The following ASCC3 variants were observed in gnomAD, a reference collection of about 807,000 sequenced individuals.
ASCC3 encodes ASC-1 complex subunit P200.
Under a neutral mutation model 256.3 loss-of-function variants are expected in ASCC3, and 158 were observed. The ratio of observed to expected loss-of-function variants is 0.62; its 90% CI spans 0.54 to 0.70. The LOEUF (loss-of-function observed/expected upper bound fraction) is 0.70. Among genes scored for constraint, ASCC3 ranks in the 30% least tolerant of loss-of-function variants. The pLI is 0.00. For synonymous variants in ASCC3, 948 were observed against 883.4 expected (o/e 1.07, Z -1.30); for missense variants, 2,259 against 2,626.0 (o/e 0.86, Z 3.05).
intron 16 of ASCC3, among the ~76,000 whole-genome samples, chr6:100,660,545 GTTC>G (rs1030388422): frequency 1.3e-5 from 2 of 151,624 alleles, no homozygotes; most frequent in African/African-American, 4.8e-5. Flanking sequence ...TTTCAAAAAT[GTTC>G]TTGTAATTTT....
intron 13 of ASCC3, among the ~76,000 whole-genome samples, chr6:100,688,592 T>C (rs1777694533): frequency 6.6e-6 from 1 of 152,200 alleles, no homozygotes; most frequent in Non-Finnish European, 1.5e-5. Flanking sequence ...CCTTATCCTT[T>C]TGGGCATCCA....
In ASCC3 at chr6:100,589,676, C is replaced by T. The variant is rs1221153150; in HGVS notation, c.5508G>A (p.Leu1836=). ...GTTCTTCAGTACTGCATTCAGGCTTCAAGCGGTCCTTGAACATTTTAACTG... is the reference window on the plus strand; with the variant it reads ...GTTCTTCAGTACTGCATTCAGGCTTTAAGCGGTCCTTGAACATTTTAACTG... ...HQTVKMFKDR[L]KPECSTEELL... Residue 1836 remains leucine, a synonymous_variant, in exon 36 of 42, where the codon TTG becomes TTA. Transcript: ENST00000369162. 1 of 1,613,722 alleles carries T rather than the reference C, an allele frequency of 6.2e-7. No individual in the cohort carries two copies. The highest frequency in any genetic ancestry group is 1.7e-5 in the Admixed American group (1 of 60,006).
chr6:100,712,454 A>G (rs534662292), intron 13 of ASCC3, among the ~76,000 whole-genome samples: 28 of 152,332 alleles, frequency 1.8e-4, no homozygotes, highest in Admixed American at 1.6e-3. Context: ...AAAATGGGCA[A>G]AAGACTTGAA....
intron 13 of ASCC3, among the ~76,000 whole-genome samples, chr6:100,702,470 C>T (rs1450809074): frequency 6.6e-6 from 1 of 152,070 alleles, no homozygotes; most frequent in Non-Finnish European, 1.5e-5. Flanking sequence ...AAAAGGCCAG[C>T]CACACAGGAT....
chr6:100,728,457 G>T (rs1281416265), intron 10 of ASCC3, among the ~76,000 whole-genome samples: 3 of 151,934 alleles, frequency 2.0e-5, no homozygotes, highest in Admixed American at 1.3e-4. Flanking sequence ...GCTGAAATAT[G>T]CATGCGTTGT....
At chr6:100,695,988 T>C (rs1334205112) in intron 13 of ASCC3, among the ~76,000 whole-genome samples, 1 of 152,180 alleles carries the variant, frequency 6.6e-6, no homozygotes, top group Non-Finnish European at 1.5e-5. Context: ...TTCAGACTTA[T>C]TTAACAGGTC....
chr6:100,611,840 C>G (rs1030431612), intron 30 of ASCC3, among the ~76,000 whole-genome samples: 10 of 148,306 alleles, frequency 6.7e-5, no homozygotes, highest in African/African-American at 2.2e-4. Context: ...AGGCTTAATT[C>G]TTGTTAAGAA....
chr6:100,674,631 ATT>A (rs3073741), intron 14 of ASCC3, among the ~76,000 whole-genome samples: 18 of 131,618 alleles, frequency 1.4e-4, no homozygotes, highest in African/African-American at 2.8e-4. Context: ...TTATTACAGA[ATT>A]TTTTTTTTTT....
chr6:100,623,145 T>A (rs1774047138), intron 30 of ASCC3, among the ~76,000 whole-genome samples: 1 of 152,142 alleles, frequency 6.6e-6, no homozygotes, highest in East Asian at 1.9e-4. Context: ...TCCTAAGTTA[T>A]GATACTACCT....
At chr6:100,831,490 C>T (rs1289050266) in intron 4 of ASCC3, among the ~76,000 whole-genome samples, 1 of 152,148 alleles carries the variant, frequency 6.6e-6, no homozygotes, top group Non-Finnish European at 1.5e-5. Flanking sequence ...AGTAGTTTGG[C>T]TCCTGCTGGG....
intron 4 of ASCC3, among the ~76,000 whole-genome samples, chr6:100,821,993 T>C (rs1771071950): frequency 6.6e-6 from 1 of 152,060 alleles, no homozygotes. Context: ...AGATAATTGG[T>C]TCACTAAGGG....
intron 13 of ASCC3, among the ~76,000 whole-genome samples, chr6:100,707,493 T>C (rs1184801166): frequency 6.6e-6 from 1 of 152,100 alleles, no homozygotes; most frequent in Non-Finnish European, 1.5e-5. Context: ...TTCCCCTTCA[T>C]GTTTGGTTTA....
chr6:100,583,457 A>G lies in ASCC3; in HGVS notation c.5550+6177T>C, dbSNP rs932469021. On this transcript the variant is annotated intron_variant, in intron 36 of 41. Coordinates refer to ENST00000369162, the MANE Select transcript of ASCC3 (RefSeq NM_006828.4). Reference sequence around the variant, plus strand: ...TATCCCCTTTATCATTTTTTATTGCATCTATTTGATTCTTCTCTCTTTTCT... The same window carrying G: ...TATCCCCTTTATCATTTTTTATTGCGTCTATTTGATTCTTCTCTCTTTTCT... 1.3e-4 allele frequency among the ~76,000 whole-genome samples: 19 copies of G among 151,616 alleles called. No homozygotes were observed. The South Asian group carries it at 3.1e-3, about 25-fold the overall frequency.
intron 8 of ASCC3, among the ~76,000 whole-genome samples, chr6:100,784,509 G>C (rs922199529): frequency 1.3e-5 from 2 of 151,844 alleles, no homozygotes; most frequent in Non-Finnish European, 2.9e-5. Context: ...CTACAAATAG[G>C]GTATTGGAGT....
At chr6:100,834,986 AAT>A (rs1244522174) in intron 4 of ASCC3, among the ~76,000 whole-genome samples, 1 of 152,136 alleles carries the variant, frequency 6.6e-6, no homozygotes. Flanking sequence ...AACACAGAAT[AAT>A]TTCCAAATTC....
chr6:100,846,476 C>A lies in ASCC3; in HGVS notation c.801+1672G>T, dbSNP rs142472475. On this transcript the variant is annotated intron_variant, in intron 4 of 41. Coordinates refer to ENST00000369162, the MANE Select transcript of ASCC3 (RefSeq NM_006828.4). ...AATATCAACTTACATGTTAAACTAT[C>A]CATTAACCCTGGTTGAAAAAAATCA... is the stretch of plus-strand genomic sequence containing the variant. Among the ~76,000 whole-genome samples the A allele has an allele frequency of 3.0e-4, 46 of 152,270 alleles. No individual in the cohort carries two copies. In the East Asian group the frequency reaches 7.9e-3, roughly 26 times the overall value.
At chr6:100,541,288 A>C (rs1049417073) in intron 36 of ASCC3, among the ~76,000 whole-genome samples, 2 of 151,750 alleles carry the variant, frequency 1.3e-5, no homozygotes, top group Non-Finnish European at 2.9e-5. Context: ...CTTCCTCCAA[A>C]AAATTAAAAA....
chr6:100,513,160 A>C (rs991200897), intron 39 of ASCC3, among the ~76,000 whole-genome samples: 3 of 152,150 alleles, frequency 2.0e-5, no homozygotes, highest in African/African-American at 4.8e-5. Context: ...CATTAACATA[A>C]TCCAGTGATT....
intron 17 of ASCC3, among the ~76,000 whole-genome samples, chr6:100,654,430 G>A (rs1775822509): frequency 6.6e-6 from 1 of 151,938 alleles, no homozygotes; most frequent in Non-Finnish European, 1.5e-5. Context: ...GTCAATTGAT[G>A]TATTTATCTT....
Sources: gnomAD v4.1 joint callset for allele counts (sites outside exome capture counted in the v4.1 genomes callset) on GRCh38, gnomAD v4.1.1 for gene constraint, MANE v1.5 for transcripts, NCBI Gene and HGNC (gene_info 2026-07-23, HGNC 2026-07-21) for gene names.